Variants in GRB2 observed in about 807,000 individuals in gnomAD.
GRB2 encodes growth factor receptor-bound protein 2.
In GRB2, 2 loss-of-function variants were observed where a neutral mutation model predicts 27.4. That is an observed-to-expected ratio of 0.07 (90% CI 0.03 to 0.23). The LOEUF (loss-of-function observed/expected upper bound fraction) is 0.23. Ranked by LOEUF, GRB2 falls within the 10% of genes least tolerant of loss-of-function variation. The pLI is 1.00. For synonymous variants in GRB2, 94 were observed against 99.6 expected (o/e 0.94, Z 0.33); for missense variants, 102 against 282.4 (o/e 0.36, Z 4.58).
At chr17:75,328,877 G>A (rs2385262) in intron 3 of GRB2, among the ~76,000 whole-genome samples, 88,616 of 151,296 alleles carry the variant, frequency 0.59, 31,115 homozygotes, top group East Asian at 0.87. Context: ...GGCGGAGCTT[G>A]CAGTGAGCCG....
intron 2 of GRB2, among the ~76,000 whole-genome samples, chr17:75,345,168 G>C (rs1011231630): frequency 1.3e-5 from 2 of 151,934 alleles, no homozygotes; most frequent in African/African-American, 4.8e-5. Flanking sequence ...TCAGCCTCCT[G>C]AGTAGCTGGG....
At chr17:75,370,898 C>T (rs2078851069) in intron 2 of GRB2, 1 of 152,216 alleles carries the variant, frequency 6.6e-6, no homozygotes, top group African/African-American at 2.4e-5. Flanking sequence ...GTTGATCTTT[C>T]TTACCCATGT....
At position 75,358,099 on chromosome 17, in the gene GRB2, T is replaced by A. The variant is rs985083149; in HGVS notation, c.79-25302A>T. Among the ~76,000 whole-genome samples the A allele has an allele frequency of 3.3e-5, 5 of 152,288 alleles. No homozygotes were observed. In the East Asian group the frequency reaches 9.6e-4, roughly 29 times the overall value. On this transcript the variant is annotated intron_variant, in intron 2 of 5. Transcript: ENST00000316804. ...GCCTGAAATTACCATTGATGTAATC[T>A]AAATGATGGTCTTTGCTATGTTAGT...
intron 2 of GRB2, among the ~76,000 whole-genome samples, chr17:75,349,325 ACCAT>A: frequency 6.6e-6 from 1 of 152,186 alleles, no homozygotes; most frequent in South Asian, 2.1e-4. Flanking sequence ...CTTACAGGTA[ACCAT>A]GCTGGCCATG....
At chr17:75,395,429 T>C (rs1479555434) in intron 1 of GRB2, among the ~76,000 whole-genome samples, 1 of 152,204 alleles carries the variant, frequency 6.6e-6, no homozygotes, top group Non-Finnish European at 1.5e-5. Context: ...TACTTGTGTA[T>C]CCTTAAATGC....
chr17:75,331,136 G>A (rs903915501), intron 3 of GRB2, among the ~76,000 whole-genome samples: 5 of 152,278 alleles, frequency 3.3e-5, no homozygotes, highest in East Asian at 1.9e-4. Flanking sequence ...CAGCAACTAC[G>A]TCTGCAAGGC....
intron 2 of GRB2, among the ~76,000 whole-genome samples, chr17:75,334,691 G>C (rs141598251): frequency 5.6e-4 from 85 of 152,234 alleles, no homozygotes; most frequent in Middle Eastern, 3.4e-3. Context: ...TGTAATCCTG[G>C]CAGTTTGGAA....
At chr17:75,339,695 C>G (rs9900529) in intron 2 of GRB2, among the ~76,000 whole-genome samples, 89,589 of 150,336 alleles carry the variant, frequency 0.6, 31,999 homozygotes, top group East Asian at 0.87. Context: ...GGCGCCATCT[C>G]AGCTCACTGC....
chr17:75,374,598 C>T (rs961229461), intron 2 of GRB2, among the ~76,000 whole-genome samples: 3 of 151,242 alleles, frequency 2.0e-5, no homozygotes, highest in Non-Finnish European at 4.4e-5. Context: ...GTGGCACATG[C>T]CTGTAGTCAC....
At chr17:75,355,642 T>C (rs542286242) in intron 2 of GRB2, among the ~76,000 whole-genome samples, 13 of 148,792 alleles carry the variant, frequency 8.7e-5, no homozygotes, top group Non-Finnish European at 1.9e-4. Context: ...AATCTCATAA[T>C]GTTTTAAGAA....
At chr17:75,329,142 A>G (rs1325896506) in intron 3 of GRB2, among the ~76,000 whole-genome samples, 4 of 151,824 alleles carry the variant, frequency 2.6e-5, no homozygotes, top group African/African-American at 7.3e-5. Flanking sequence ...CTCTCCCCAC[A>G]CTGCCCCACA....
intron 2 of GRB2, among the ~76,000 whole-genome samples, chr17:75,344,072 T>C (rs2078639305): frequency 6.6e-6 from 1 of 152,182 alleles, no homozygotes. Flanking sequence ...TTATGGGTAC[T>C]ATGTAGGCAT....
chr17:75,365,680 GGATA>G (rs1567868269), intron 2 of GRB2, among the ~76,000 whole-genome samples: 1 of 151,918 alleles, frequency 6.6e-6, no homozygotes, highest in African/African-American at 2.4e-5. Flanking sequence ...GAACTATGGG[GGATA>G]GAAAGAAAAT....
intron 1 of GRB2, among the ~76,000 whole-genome samples, chr17:75,404,360 C>CT (rs1248711999): frequency 6.6e-6 from 1 of 152,028 alleles, no homozygotes; most frequent in Non-Finnish European, 1.5e-5. Flanking sequence ...TTCTGGCTGA[C>CT]TGCAGGGAAC....
chr17:75,334,642 T>C (rs932814155), intron 2 of GRB2, among the ~76,000 whole-genome samples: 1 of 151,990 alleles, frequency 6.6e-6, no homozygotes. Context: ...AGTAGTAAAA[T>C]AGAAAAGTTT....
chr17:75,347,834 T>C (rs2078664868), intron 2 of GRB2, among the ~76,000 whole-genome samples: 1 of 152,132 alleles, frequency 6.6e-6, no homozygotes, highest in African/African-American at 2.4e-5. Context: ...ATTATTAAAA[T>C]CCTCTCAATT....
intron 1 of GRB2, among the ~76,000 whole-genome samples, chr17:75,400,232 G>A (rs1317517960): frequency 6.6e-6 from 1 of 152,126 alleles, no homozygotes; most frequent in African/African-American, 2.4e-5. Flanking sequence ...GAAGTGCAAT[G>A]GCACGATCTC....
intron 2 of GRB2, chr17:75,387,692 G>C (rs922823739): frequency 4.6e-5 from 7 of 151,942 alleles, no homozygotes; most frequent in Non-Finnish European, 1.0e-4. Context: ...CATCTACTCG[G>C]GAGGCTGAGA....
At chr17:75,335,165 C>T (rs1431131369) in intron 2 of GRB2, among the ~76,000 whole-genome samples, 2 of 152,072 alleles carry the variant, frequency 1.3e-5, no homozygotes, top group Non-Finnish European at 2.9e-5. Context: ...CTAGTATATA[C>T]GGAGCAGAAC....
Sources: gnomAD v4.1 joint callset for allele counts (sites outside exome capture counted in the v4.1 genomes callset) on GRCh38, gnomAD v4.1.1 for gene constraint, MANE v1.5 for transcripts, NCBI Gene and HGNC (gene_info 2026-07-23, HGNC 2026-07-21) for gene names.